The following CSK variants were observed in gnomAD, a reference collection of about 807,000 sequenced individuals.
CSK encodes the protein C-terminal Src kinase, also known as tyrosine-protein kinase CSK.
In CSK, 7 loss-of-function variants were observed where a neutral mutation model predicts 62.3. That is an observed-to-expected ratio of 0.11 (90% confidence interval 0.06 to 0.21). The LOEUF is 0.21. CSK is among the 10% of genes least tolerant of loss of function. The pLI, the probability that CSK is intolerant of heterozygous loss-of-function variation, is 1.00. For synonymous variants in CSK, 237 were observed against 246.0 expected, an observed-to-expected ratio of 0.96 and a Z score of 0.34; for missense variants, 294 against 613.5, an observed-to-expected ratio of 0.48 and a Z score of 5.50.
At chr15:74,794,974 T>G (rs1055417917) in intron 1 of CSK, among the ~76,000 whole-genome samples, 2 of 152,180 alleles carry the variant, frequency 1.3e-5, no homozygotes, top group Non-Finnish European at 2.9e-5. Flanking sequence ...CAGTGTCCCC[T>G]GAGCAGCGGT....
intron 1 of CSK, among the ~76,000 whole-genome samples, chr15:74,786,918 C>T (rs547766795): frequency 7.9e-5 from 12 of 152,346 alleles, no homozygotes; most frequent in Non-Finnish European, 1.6e-4. Flanking sequence ...GGAGTATCTC[C>T]TCCTCCCTGG....
chr15:74,797,221 A>C (rs1453439684), intron 1 of CSK, among the ~76,000 whole-genome samples: 2 of 152,202 alleles, frequency 1.3e-5, no homozygotes, highest in Non-Finnish European at 2.9e-5. Context: ...CTGAGATTAC[A>C]GGTGTGAGCC....
intron 1 of CSK, among the ~76,000 whole-genome samples, chr15:74,787,006 G>T (rs2063532398): frequency 6.6e-6 from 1 of 152,188 alleles, no homozygotes; most frequent in Non-Finnish European, 1.5e-5. Context: ...ACAGGGTGGG[G>T]TCCGCCCCAA....
At chr15:74,799,795 T>G (rs1482003451) in intron 5 of CSK, among the ~76,000 whole-genome samples, 1 of 152,202 alleles carries the variant, frequency 6.6e-6, no homozygotes, top group African/African-American at 2.4e-5. Flanking sequence ...GTGCCAGGAC[T>G]AGAATCTGAG....
chr15:74,800,067 C>T (rs2063765104), intron 5 of CSK, among the ~76,000 whole-genome samples: 1 of 152,190 alleles, frequency 6.6e-6, no homozygotes, highest in Admixed American at 6.5e-5. Flanking sequence ...ACTGGCCTGG[C>T]TTGGCCTGTG....
intron 1 of CSK, among the ~76,000 whole-genome samples, chr15:74,791,680 T>C (rs903629869): frequency 6.6e-6 from 1 of 152,260 alleles, no homozygotes; most frequent in Admixed American, 6.5e-5. Flanking sequence ...ATCTAGAACA[T>C]TCTCCAGCCC....
At chr15:74,786,127 C>T (rs983345346) in intron 1 of CSK, among the ~76,000 whole-genome samples, 1 of 151,190 alleles carries the variant, frequency 6.6e-6, no homozygotes, top group Non-Finnish European at 1.5e-5. Flanking sequence ...CCGGTTTAAG[C>T]GATTCTCCTG....
At chr15:74,799,189 C>T in intron 4 of CSK, 83 bp from the exon 5 acceptor site, 1 of 1,433,054 alleles carries the variant, frequency 7.0e-7, no homozygotes, top group Non-Finnish European at 9.5e-7. Flanking sequence ...CCACGGGTGC[C>T]AAGCAGAGGG....
chr15:74,783,750 G>A (rs2063473679), intron 1 of CSK, among the ~76,000 whole-genome samples: 1 of 152,226 alleles, frequency 6.6e-6, no homozygotes, highest in South Asian at 2.1e-4. Context: ...AATGTGTGGT[G>A]TATGGCCATC....
Position 74,802,679 on chromosome 15 carries a change from C to G in CSK, c.*166C>G, listed in dbSNP as rs1052662821. 13 of 837,826 alleles carry G rather than the reference C, an allele frequency of 1.6e-5. No individual in the cohort carries two copies. The South Asian group carries it at 2.5e-4, about 16-fold the overall frequency. 51.9% of individuals were successfully genotyped at this position (837,826 alleles called of 1,614,324 possible). On this transcript the variant is annotated 3_prime_UTR_variant, in exon 13 of 13. Coordinates refer to ENST00000220003, the MANE Select transcript of CSK (RefSeq NM_004383.3). ...CCCTCCGGCCCCGTCTCTCTTGGAC[C>G]CACCTGTGGGGCCTGGGGAGCCCAC...
chr15:74,797,663 C>T (rs1427487810), intron 1 of CSK, among the ~76,000 whole-genome samples: 8 of 152,010 alleles, frequency 5.3e-5, no homozygotes, highest in African/African-American at 1.9e-4. Context: ...TCCTCTGGAT[C>T]GGCATCTGGG....
chr15:74,785,559 C>T (rs1003026054), intron 1 of CSK, among the ~76,000 whole-genome samples: 1 of 152,194 alleles, frequency 6.6e-6, no homozygotes, highest in Non-Finnish European at 1.5e-5. Flanking sequence ...ATGGTAACAC[C>T]TACTTCAGAG....
Position 74,794,219 on chromosome 15 carries a change from CA to C in CSK, c.-65-4013del, listed in dbSNP as rs1446781359. On this transcript the variant is annotated intron_variant, in intron 1 of 12. Coordinates refer to ENST00000220003, the MANE Select transcript of CSK (RefSeq NM_004383.3). Reference sequence around the variant, plus strand: ...AAGGGGTCCCCGCCACCCCCACCCTCACAGCTTACAGTCCACAGGAGGCAGG... The same window carrying C: ...AAGGGGTCCCCGCCACCCCCACCCTCCAGCTTACAGTCCACAGGAGGCAGG... Among the ~76,000 whole-genome samples the C allele has an allele frequency of 5.3e-5, 3 of 56,294 alleles. 1 individual carries two copies. In the South Asian group the frequency reaches 3.7e-3, roughly 69 times the overall value. 36.9% of individuals were successfully genotyped at this position (56,294 alleles called of 152,430 possible).
At chr15:74,784,529 C>G (rs1366625252) in intron 1 of CSK, among the ~76,000 whole-genome samples, 1 of 151,988 alleles carries the variant, frequency 6.6e-6, no homozygotes, top group Non-Finnish European at 1.5e-5. Flanking sequence ...CATTGGTGAG[C>G]TTGGTGCCCT....
rs1360952145 is a variant in CSK, at chr15:74,782,652, A to T, written c.-134A>T. ...CGCCCCTCCCCTCCCCCCTGACCGC[A>T]TGGACCGTCCCGCAGGCCGCTGATG... On this transcript the variant is annotated 5_prime_UTR_variant, in exon 1 of 13. It removes an upstream start codon present in the reference 5' UTR. Coordinates refer to ENST00000220003, the MANE Select transcript of CSK (RefSeq NM_004383.3). This position sits in a 1 kb window ranked among gnomAD's most constrained non-coding sequence, Gnocchi z 5.7. The T allele has an allele frequency of 1.3e-5, 2 of 151,970 alleles. No homozygotes were observed. The highest frequency in any genetic ancestry group is 2.4e-5 in the African/African-American group (1 of 41,074). 9.4% of individuals were successfully genotyped at this position (151,970 alleles called of 1,614,324 possible).
rs972719580 is a variant in CSK, at chr15:74,782,088, G to A, written c.-698G>A. 2 of 147,766 alleles carry A rather than the reference G, an allele frequency of 1.4e-5. No individual in the cohort carries two copies. Among genetic ancestry groups the A allele is most frequent in the African/African-American group, 2.4e-5 (1 of 40,942 alleles). The allele number at this position is 147,766 out of a possible 1,614,324, so 9.2% of individuals were successfully genotyped here. A position where few individuals can be genotyped will look rare whatever the true frequency, so the allele number is the denominator to read the frequency against. ...GCGCTGCCGCGGGCGGAGGATCCGG[G>A]CCGCGCTTCCTCTCGCCAGGCCTGC... On this transcript the variant is annotated 5_prime_UTR_variant, in exon 1 of 13. Transcript: ENST00000220003. This position sits in a 1 kb window ranked among gnomAD's most constrained non-coding sequence, Gnocchi z 5.7.
At chr15:74,794,826 T>G (rs978555693) in intron 1 of CSK, among the ~76,000 whole-genome samples, 3 of 152,104 alleles carry the variant, frequency 2.0e-5, no homozygotes, top group Non-Finnish European at 4.4e-5. Flanking sequence ...CCCAGCTCCT[T>G]CTGCTCTCCA....
Position 74,802,627 on chromosome 15 carries a change from G to A in CSK, c.*114G>A. ...GAACTGAGCCCCAGCGGGCTGGCGGGCCTTTTTCCTGCGTCCCAGCCTGCA... is the reference window on the plus strand; with the variant it reads ...GAACTGAGCCCCAGCGGGCTGGCGGACCTTTTTCCTGCGTCCCAGCCTGCA... On this transcript the variant is annotated 3_prime_UTR_variant, in exon 13 of 13. Transcript: ENST00000220003. 1 of 1,373,124 alleles carries A rather than the reference G, an allele frequency of 7.3e-7. No homozygotes were observed. The highest frequency in any genetic ancestry group is 1.3e-5 in the South Asian group (1 of 76,538). 85.1% of individuals were successfully genotyped at this position (1,373,124 alleles called of 1,614,324 possible). A position where few individuals can be genotyped will look rare whatever the true frequency, so the allele number is the denominator to read the frequency against.
At chr15:74,793,054 T>C (rs1402961483) in intron 1 of CSK, 1 of 152,230 alleles carries the variant, frequency 6.6e-6, no homozygotes, top group African/African-American at 2.4e-5. Flanking sequence ...AGGGGTCTCA[T>C]GACCCCACCA....
Sources: gnomAD v4.1 joint callset for allele counts (sites outside exome capture counted in the v4.1 genomes callset) on GRCh38, gnomAD v4.1.1 for gene constraint, Gnocchi (gnomAD v3.1) non-coding constraint, MANE v1.5 for transcripts, NCBI Gene and HGNC (gene_info 2026-07-23, HGNC 2026-07-21) for gene names.